CFAP47: variants seen among roughly 807,000 people sequenced by gnomAD.
CFAP47 encodes cilia- and flagella-associated protein 47.
CFAP47 carries 29 observed loss-of-function variants against 148.1 expected under a neutral mutation model. The ratio of observed to expected loss-of-function variants is 0.20; its 90% CI spans 0.15 to 0.27. CFAP47 has a LOEUF of 0.27. Among genes scored for constraint, CFAP47 ranks in the 10% least tolerant of loss-of-function variants. The pLI is 1.00. For missense variants in CFAP47, 1,872 were observed against 1,697.5 expected (o/e 1.10, Z -1.81); for synonymous variants, 664 against 577.3 (o/e 1.15, Z -2.15).
Position 36,041,364 on chromosome X carries a change from G to A in CFAP47, c.4007+2185G>A, listed in dbSNP as rs185375737. Among the ~76,000 whole-genome samples the A allele has an allele frequency of 8.3e-3, 922 of 111,317 alleles. 11 individuals are homozygous for A. The highest frequency in any genetic ancestry group is 0.029 in the African/African-American group (884 of 30,701). ...TAAAGAGGTCTATTCTAATACATGT[G>A]AAAACTTAAATATGAAAGTTGTAGA... On this transcript the variant is annotated intron_variant, in intron 25 of 63. Coordinates refer to ENST00000378653, the MANE Select transcript of CFAP47 (RefSeq NM_001304548.2).
At chrX:35,972,424 G>T (rs1222818953) in intron 13 of CFAP47, among the ~76,000 whole-genome samples, 2 of 110,371 alleles carry the variant, frequency 1.8e-5, no homozygotes, top group African/African-American at 3.3e-5. Flanking sequence ...TTGAGATGGG[G>T]TTTCACCATG....
chrX:36,155,381 A>T (rs766977615), intron 37 of CFAP47, among the ~76,000 whole-genome samples: 4 of 111,722 alleles, frequency 3.6e-5, no homozygotes, highest in Non-Finnish European at 7.5e-5. Flanking sequence ...AGGTATGTCA[A>T]TTGGTAGGCT....
At chrX:36,235,357 C>T (rs1315117714) in intron 46 of CFAP47, among the ~76,000 whole-genome samples, 1 of 112,399 alleles carries the variant, frequency 8.9e-6, no homozygotes, top group Non-Finnish European at 1.9e-5. Flanking sequence ...TGCTGCCTTG[C>T]AGTCTGATCT....
In CFAP47 at chrX:35,962,753, C is replaced by T. The variant is rs141136254; in HGVS notation, c.1411-3812C>T. On this transcript the variant is annotated intron_variant, in intron 8 of 63. Transcript: ENST00000378653. ...GATTATGTGTTTTTGCCTACTCCACCAATCTCTGCTTTTTGACTGCACAAT... is the reference window on the plus strand; with the variant it reads ...GATTATGTGTTTTTGCCTACTCCACTAATCTCTGCTTTTTGACTGCACAAT... 6.6e-3 allele frequency among the ~76,000 whole-genome samples: 736 copies of T among 110,848 alleles called. 2 individuals are homozygous for T. The highest frequency in any genetic ancestry group is 0.023 in the Middle Eastern group (5 of 213).
At chrX:36,317,189 T>C (rs1018917847) in intron 56 of CFAP47, among the ~76,000 whole-genome samples, 1 of 111,391 alleles carries the variant, frequency 9.0e-6, no homozygotes, top group Non-Finnish European at 1.9e-5. Flanking sequence ...ATTTATGTAA[T>C]ATATGTAGTA....
rs1156352194 is a variant in CFAP47, at chrX:36,247,866, A to G, written c.7333-3467A>G. ...CAAATGTCAGAAATTGGAAGAATGT[A>G]TTTTTAAAGAAAAGTTCAACTTTAG... On this transcript the variant is annotated intron_variant, in intron 48 of 63. Transcript: ENST00000378653. Among the ~76,000 whole-genome samples, 3 of 111,091 alleles carry G rather than the reference A, an allele frequency of 2.7e-5. No homozygotes were observed. In the Admixed American group the frequency reaches 2.9e-4, roughly 11 times the overall value.
In CFAP47 at chrX:36,135,133, C is replaced by T. The variant is rs1939021504; in HGVS notation, c.5321-2825C>T. Among the ~76,000 whole-genome samples the T allele has an allele frequency of 4.6e-5, 5 of 109,758 alleles. No homozygotes were observed. In the Admixed American group the frequency reaches 4.9e-4, roughly 11 times the overall value. On this transcript the variant is annotated intron_variant, in intron 33 of 63. Transcript: ENST00000378653. ...TGATACAATGGACTTTGGGGACTCG[C>T]GGGGAAAGGGTGAGAAGGGAGTGAG... is the stretch of plus-strand genomic sequence containing the variant.
intron 57 of CFAP47, among the ~76,000 whole-genome samples, chrX:36,327,291 TA>T (rs1455586648): frequency 9.0e-6 from 1 of 110,912 alleles, no homozygotes; most frequent in African/African-American, 3.3e-5. Context: ...ATAATCTCAT[TA>T]AAAATGGACA....
chrX:36,299,912 T>G (rs868913229), intron 52 of CFAP47, among the ~76,000 whole-genome samples: 2 of 112,236 alleles, frequency 1.8e-5, no homozygotes, highest in Middle Eastern at 4.6e-3. Flanking sequence ...AGGACAAAAA[T>G]TATTATTCTG....
chrX:36,010,635 T>C (rs760884055), intron 21 of CFAP47, among the ~76,000 whole-genome samples: 125 of 110,677 alleles, frequency 1.1e-3, no homozygotes, highest in Non-Finnish European at 1.9e-3. Context: ...TTTTTTTGTA[T>C]TTTTAGTAGA....
chrX:36,185,140 A>T (rs782519554), intron 40 of CFAP47, among the ~76,000 whole-genome samples: 2 of 110,770 alleles, frequency 1.8e-5, no homozygotes, highest in Non-Finnish European at 3.8e-5. Flanking sequence ...GGTGAGTCCA[A>T]GATAAAGGCA....
At chrX:36,259,309 G>A (rs889335955) in intron 49 of CFAP47, among the ~76,000 whole-genome samples, 1 of 111,303 alleles carries the variant, frequency 9.0e-6, no homozygotes, top group Non-Finnish European at 1.9e-5. Context: ...CTTAGGGCAT[G>A]CATGATACAA....
intron 52 of CFAP47, among the ~76,000 whole-genome samples, chrX:36,300,686 G>A (rs1321219969): frequency 8.9e-6 from 1 of 112,076 alleles, no homozygotes; most frequent in Admixed American, 9.5e-5. Context: ...TATGTCACTT[G>A]ATAGCATTCA....
In CFAP47 at chrX:36,385,177, A is replaced by T. The variant is rs1942117267; in HGVS notation, c.*171A>T. Reference sequence around the variant, plus strand: ...ATATATTATACTTCATTTGTGAGTTATGAATGTTTTTTGGTTGCGAACATT... The same window carrying T: ...ATATATTATACTTCATTTGTGAGTTTTGAATGTTTTTTGGTTGCGAACATT... On this transcript the variant is annotated 3_prime_UTR_variant, in exon 64 of 64. Coordinates refer to ENST00000378653, the MANE Select transcript of CFAP47 (RefSeq NM_001304548.2). 7.4e-6 allele frequency: 3 copies of T among 404,370 alleles called. No homozygotes were observed. The highest frequency in any genetic ancestry group is 4.8e-5 in the Admixed American group (1 of 20,688). The allele number at this position is 404,370 out of a possible 1,213,427, so 33.3% of individuals were successfully genotyped here.
At chrX:36,181,941 A>G (rs1467236891) in intron 40 of CFAP47, among the ~76,000 whole-genome samples, 1 of 112,473 alleles carries the variant, frequency 8.9e-6, no homozygotes, top group Non-Finnish European at 1.9e-5. Context: ...CGTATGTTGA[A>G]TTGAGATAAA....
intron 26 of CFAP47, among the ~76,000 whole-genome samples, chrX:36,047,312 T>C (rs1057322166): frequency 9.0e-6 from 1 of 111,664 alleles, no homozygotes; most frequent in African/African-American, 3.2e-5. Flanking sequence ...CTTCTGAGAC[T>C]CTCAGTTTCC....
At chrX:36,184,723 C>G (rs868990660) in intron 40 of CFAP47, among the ~76,000 whole-genome samples, 2 of 111,412 alleles carry the variant, frequency 1.8e-5, no homozygotes, top group Non-Finnish European at 3.8e-5. Context: ...CACCTGAGGT[C>G]GGGAGTTCGA....
At chrX:35,955,802 G>A (rs555158041) in intron 7 of CFAP47, among the ~76,000 whole-genome samples, 159 bp from the exon 8 acceptor site, 1 of 112,764 alleles carries the variant, frequency 8.9e-6, no homozygotes, top group East Asian at 2.8e-4. Context: ...TATCCGCAAG[G>A]CGTGACACAG....
intron 60 of CFAP47, among the ~76,000 whole-genome samples, chrX:36,359,715 T>C (rs1350948482): frequency 9.0e-6 from 1 of 111,669 alleles, no homozygotes; most frequent in Non-Finnish European, 1.9e-5. Context: ...ACAAACTCGT[T>C]CAGCTTTTGT....
Sources: gnomAD v4.1 joint callset for allele counts (sites outside exome capture counted in the v4.1 genomes callset) on GRCh38, gnomAD v4.1.1 for gene constraint, MANE v1.5 for transcripts, NCBI Gene and HGNC (gene_info 2026-07-23, HGNC 2026-07-21) for gene names.